Variants in THEMIS observed in about 807,000 individuals in gnomAD.
THEMIS encodes the protein thymocyte selection associated.
A neutral mutation model predicts 52.6 loss-of-function variants in THEMIS; 37 were observed. The observed-to-expected ratio is 0.70, with a 90% confidence interval of 0.54 to 0.93. The LOEUF is 0.93. THEMIS is among the 40% of genes least tolerant of loss of function. The pLI is 0.00. For missense variants in THEMIS, 808 were observed against 763.1 expected (o/e 1.06, Z -0.69); for synonymous variants, 292 against 272.7 (o/e 1.07, Z -0.70).
At chr6:127,750,716 A>G (rs1294618280) in intron 4 of THEMIS, among the ~76,000 whole-genome samples, 1 of 151,830 alleles carries the variant, frequency 6.6e-6, no homozygotes, top group Non-Finnish European at 1.5e-5. Flanking sequence ...AAAGTAGAAT[A>G]AAGAAGCTGC....
intron 4 of THEMIS, among the ~76,000 whole-genome samples, chr6:127,792,756 C>G (rs1354742040): frequency 2.0e-5 from 3 of 152,192 alleles, no homozygotes; most frequent in Non-Finnish European, 4.4e-5. Context: ...GCAGCATGGT[C>G]TGGCAGAGCT....
chr6:127,903,778 G>A (rs563711133), upstream of THEMIS, among the ~76,000 whole-genome samples: 1 of 150,842 alleles, frequency 6.6e-6, no homozygotes, highest in East Asian at 1.9e-4. Context: ...CAATGGCTTA[G>A]GTGGGTAAAG....
chr6:127,903,668 A>T (rs1005511454), upstream of THEMIS, among the ~76,000 whole-genome samples: 1 of 151,846 alleles, frequency 6.6e-6, no homozygotes, highest in South Asian at 2.1e-4. Context: ...GAAGGAAAAA[A>T]CTAATAATAT....
intron 4 of THEMIS, among the ~76,000 whole-genome samples, chr6:127,726,389 A>AG (rs1774548833): frequency 6.6e-6 from 1 of 152,132 alleles, no homozygotes. Context: ...ACTAGACCCA[A>AG]GAAAAACCAC....
chr6:127,820,647 G>A (rs1778306208), intron 3 of THEMIS, among the ~76,000 whole-genome samples: 1 of 152,024 alleles, frequency 6.6e-6, no homozygotes. Flanking sequence ...ATTGAAATCA[G>A]GGAGTCTACC....
intron 4 of THEMIS, among the ~76,000 whole-genome samples, chr6:127,793,065 T>C (rs888075314): frequency 2.7e-4 from 41 of 152,154 alleles, no homozygotes; most frequent in African/African-American, 9.9e-4. Flanking sequence ...ATGTAACCCC[T>C]TGAAATAAGG....
intron 4 of THEMIS, among the ~76,000 whole-genome samples, chr6:127,812,286 C>A (rs1410175924): frequency 6.6e-6 from 1 of 152,170 alleles, no homozygotes; most frequent in African/African-American, 2.4e-5. Context: ...TGATTTCATA[C>A]TGTCTCCAAT....
At chr6:127,847,695 A>G (rs1035040286) in intron 2 of THEMIS, among the ~76,000 whole-genome samples, 2 of 151,980 alleles carry the variant, frequency 1.3e-5, no homozygotes, top group African/African-American at 4.8e-5. Context: ...GGAAGAGTCA[A>G]TATTGTGAAA....
At chr6:127,734,058 T>C (rs1232624633) in intron 4 of THEMIS, among the ~76,000 whole-genome samples, 1 of 152,148 alleles carries the variant, frequency 6.6e-6, no homozygotes, top group African/African-American at 2.4e-5. Context: ...GCAACATTCA[T>C]GCTGTGGTAA....
At chr6:127,790,087 G>T (rs1366008478) in intron 4 of THEMIS, among the ~76,000 whole-genome samples, 3 of 152,194 alleles carry the variant, frequency 2.0e-5, no homozygotes, top group Non-Finnish European at 4.4e-5. Context: ...AAGCCAAATT[G>T]TCTCTGTTTG....
intron 1 of THEMIS, among the ~76,000 whole-genome samples, chr6:127,856,235 T>C (rs1779614615): frequency 6.6e-6 from 1 of 152,010 alleles, no homozygotes; most frequent in South Asian, 2.1e-4. Context: ...ATATGTAGCA[T>C]GCACCTAGAA....
intron 4 of THEMIS, among the ~76,000 whole-genome samples, chr6:127,732,017 T>C (rs1774826292): frequency 6.6e-6 from 1 of 150,820 alleles, no homozygotes; most frequent in South Asian, 2.1e-4. Context: ...TTTTTTTTTT[T>C]AACTCGTAAG....
At chr6:127,865,049 T>C (rs1465014098) in intron 1 of THEMIS, among the ~76,000 whole-genome samples, 1 of 152,140 alleles carries the variant, frequency 6.6e-6, no homozygotes, top group Admixed American at 6.5e-5. Flanking sequence ...AAGGAAAGTT[T>C]ACCTGAGCCT....
At chr6:127,864,714 T>C (rs969031954) in intron 1 of THEMIS, among the ~76,000 whole-genome samples, 21 of 152,134 alleles carry the variant, frequency 1.4e-4, no homozygotes, top group African/African-American at 5.1e-4. Context: ...GCCTCTCAGT[T>C]CTGTTTGTTG....
chr6:127,739,597 A>G (rs1207783315), intron 4 of THEMIS, among the ~76,000 whole-genome samples: 2 of 152,148 alleles, frequency 1.3e-5, no homozygotes, highest in African/African-American at 2.4e-5. Flanking sequence ...CCGAGATAGC[A>G]CCACTGCACG....
chr6:127,806,432 T>G (rs537455154), intron 4 of THEMIS, among the ~76,000 whole-genome samples: 29 of 152,302 alleles, frequency 1.9e-4, no homozygotes, highest in African/African-American at 6.0e-4. Context: ...GCTAATGTTT[T>G]TCATCATTGC....
intron 4 of THEMIS, among the ~76,000 whole-genome samples, chr6:127,771,777 C>T (rs1018285384): frequency 3.9e-5 from 6 of 152,042 alleles, no homozygotes; most frequent in African/African-American, 1.4e-4. Flanking sequence ...CGAACTTTCC[C>T]CCATCCTTTT....
intron 1 of THEMIS, among the ~76,000 whole-genome samples, chr6:127,879,413 G>T (rs1032921757): frequency 2.0e-5 from 3 of 151,976 alleles, no homozygotes; most frequent in African/African-American, 7.3e-5. Context: ...CTGGATAAAT[G>T]AATATTCTTG....
At chr6:127,888,845 C>T (rs1168340046) in intron 1 of THEMIS, among the ~76,000 whole-genome samples, 1 of 152,026 alleles carries the variant, frequency 6.6e-6, no homozygotes, top group Non-Finnish European at 1.5e-5. Flanking sequence ...TTCTTATGAA[C>T]ATGTGGTAGC....
Sources: allele counts gnomAD v4.1 joint callset (sites outside exome capture counted in the v4.1 genomes callset), GRCh38; gene constraint gnomAD v4.1.1; transcripts MANE v1.5; gene names NCBI Gene and HGNC (gene_info 2026-07-23, HGNC 2026-07-21).